The following TMIE variants were observed in gnomAD, a reference collection of about 807,000 sequenced individuals.
The protein encoded by TMIE is transmembrane inner ear expressed protein.
In TMIE, 14 loss-of-function variants were observed where a neutral mutation model predicts 16.8. The observed-to-expected ratio is 0.83, with a 90% CI of 0.55 to 1.30. The LOEUF (loss-of-function observed/expected upper bound fraction) is 1.30. Ranked by LOEUF, TMIE falls within the 50% of genes most tolerant of loss-of-function variation. The pLI, the probability that TMIE is intolerant of heterozygous loss-of-function variation, is 0.00. For synonymous variants in TMIE, 75 were observed against 87.2 expected, an observed-to-expected ratio of 0.86 and a Z score of 0.78; for missense variants, 204 against 205.9, an observed-to-expected ratio of 0.99 and a Z score of 0.06.
At position 46,705,836 on chromosome 3, in the gene TMIE, A is replaced by G. The variant is rs1203949194; in HGVS notation, c.140A>G (p.Glu47Gly). 1.2e-6 allele frequency: 2 copies of G among 1,613,984 alleles called. No individual in the cohort carries two copies. Among genetic ancestry groups the G allele is most frequent in the Non-Finnish European group, 1.7e-6 (2 of 1,180,040 alleles). The part of the protein sequence containing the change: ...PKPKPPPLTK[E>G]TVVFWDMRLW... ...CCCAAGCCGCCTCCGCTGACCAAGGAGACAGTGGTGTTCTGGGACATGCGC... is the reference window on the plus strand; with the variant it reads ...CCCAAGCCGCCTCCGCTGACCAAGGGGACAGTGGTGTTCTGGGACATGCGC... The change falls in exon 2 of 4, where the codon GAG becomes GGG. Residue 47 changes from glutamate to glycine, a missense_variant. By Grantham distance (98) the Glu-to-Gly change is moderately conservative. Transcript: ENST00000643606.
chr3:46,704,702 ACTAGACACCCAGGGTGGACCATGTCCC>A (rs1464639578), intron 1 of TMIE, among the ~76,000 whole-genome samples: 1 of 29,458 alleles, frequency 3.4e-5, no homozygotes, highest in Non-Finnish European at 7.0e-5. Flanking sequence ...AAGCACGTCC[ACTAGACACCCAGGGTGGACCATGTCCC>A]CTAGACACCC....
At chr3:46,701,263 A>T, upstream of TMIE, 1 of 323,562 alleles carries the variant, frequency 3.1e-6, no homozygotes, top group Non-Finnish European at 5.7e-6. This position sits in a 1 kb window ranked among gnomAD's most constrained non-coding sequence, Gnocchi z 4.3. Context: ...GGGGGCAGGG[A>T]GGGGGAGCCT....
chr3:46,699,917 A>C (rs1700449881), upstream of TMIE, among the ~76,000 whole-genome samples: 1 of 152,196 alleles, frequency 6.6e-6, no homozygotes. Context: ...TAAGAAACAG[A>C]AACAGAGGAG....
intron 1 of TMIE, among the ~76,000 whole-genome samples, chr3:46,703,071 C>T (rs1001772735): frequency 4.6e-5 from 7 of 152,260 alleles, no homozygotes; most frequent in Middle Eastern, 3.4e-3. Flanking sequence ...CATCTGCCTA[C>T]AGTCTGAGCA....
chr3:46,709,395 C>T lies in TMIE; in HGVS notation c.361+120C>T, dbSNP rs559279790. Reference sequence around the variant, plus strand: ...TTCAGGGAGGGGCCCCAGCCCTGCCCCTGGAGACCAGAGCACAGAAATTGG... The same window carrying T: ...TTCAGGGAGGGGCCCCAGCCCTGCCTCTGGAGACCAGAGCACAGAAATTGG... On this transcript the variant is annotated intron_variant, in intron 3 of 3. Transcript: ENST00000643606. The T allele has an allele frequency of 3.8e-6, 6 of 1,596,422 alleles. No homozygotes were observed. In the South Asian group the frequency reaches 5.6e-5, roughly 15 times the overall value.
intron 3 of TMIE, 127 bp downstream of exon 3, chr3:46,709,402 A>G: frequency 6.3e-7 from 1 of 1,594,690 alleles, no homozygotes; most frequent in East Asian, 2.2e-5. Flanking sequence ...GCCCCTGGAG[A>G]CCAGAGCACA....
In TMIE at chr3:46,701,903, C is replaced by T. The variant is rs1700482494; in HGVS notation, c.93+323C>T. On this transcript the variant is annotated intron_variant, in intron 1 of 3. Transcript: ENST00000643606. The surrounding 1 kb of genome is among the most constrained non-coding windows in gnomAD (Gnocchi z 4.3). ...GCCCTGCCCAGACTGATGGGGGATA[C>T]TGGGCCCCCATCCTCCAGCCTTTGG... 6.6e-6 allele frequency among the ~76,000 whole-genome samples: 1 copy of T among 152,092 alleles called. No individual in the cohort carries two copies. Among genetic ancestry groups the T allele is most frequent in the Non-Finnish European group, 1.5e-5 (1 of 67,996 alleles).
intron 2 of TMIE, 116 bp from the exon 3 acceptor site, chr3:46,709,010 G>A: frequency 7.4e-7 from 1 of 1,359,992 alleles, no homozygotes; most frequent in Admixed American, 1.8e-5. Context: ...CTCCTGCCAG[G>A]GTCTGGTGGG....
At chr3:46,703,496 C>T (rs771816152) in intron 1 of TMIE, among the ~76,000 whole-genome samples, 3 of 152,186 alleles carry the variant, frequency 2.0e-5, no homozygotes, top group Non-Finnish European at 4.4e-5. Flanking sequence ...CCTAATGGCA[C>T]AGACATGTCC....
intron 1 of TMIE, among the ~76,000 whole-genome samples, chr3:46,703,024 GTTC>G (rs1700497316): frequency 6.6e-6 from 1 of 152,194 alleles, no homozygotes; most frequent in South Asian, 2.1e-4. Context: ...TCTTTTCCCA[GTTC>G]TAGGGAAATT....
intron 1 of TMIE, among the ~76,000 whole-genome samples, chr3:46,704,576 C>G (rs1700523977): frequency 6.8e-6 from 1 of 146,880 alleles, no homozygotes; most frequent in Non-Finnish European, 1.5e-5. Flanking sequence ...CCTAGACGCC[C>G]AGGGCAGGAT....
chr3:46,708,492 C>T (rs1337961224), intron 2 of TMIE, among the ~76,000 whole-genome samples: 3 of 152,240 alleles, frequency 2.0e-5, no homozygotes, highest in African/African-American at 7.2e-5. Context: ...CCTAGACAGG[C>T]CAGCTCCATG....
intron 2 of TMIE, among the ~76,000 whole-genome samples, chr3:46,707,732 G>A (rs953375480): frequency 6.6e-6 from 1 of 152,226 alleles, no homozygotes; most frequent in Admixed American, 6.5e-5. Flanking sequence ...GGTGGTGTTT[G>A]AGCCCGGCTC....
upstream of TMIE, among the ~76,000 whole-genome samples, chr3:46,697,873 T>C (rs181945302): frequency 1.3e-5 from 2 of 152,092 alleles, no homozygotes; most frequent in African/African-American, 2.4e-5. Context: ...GTGTGGATGA[T>C]TGTTGTTGTG....
rs976667212 is a variant in TMIE, at chr3:46,709,856, A to G, written c.*168A>G. 2 of 1,388,676 alleles carry G rather than the reference A, an allele frequency of 1.4e-6. No individual in the cohort carries two copies. The highest frequency in any genetic ancestry group is 9.8e-7 in the Non-Finnish European group (1 of 1,016,616). 86.0% of individuals were successfully genotyped at this position (1,388,676 alleles called of 1,614,324 possible). On this transcript the variant is annotated 3_prime_UTR_variant, in exon 4 of 4. Transcript: ENST00000643606. ...GGCCCATCAGGGGCAGGAACCAGACAATCTCGTAGGTGTCCTGCCCCCCAG... is the reference window on the plus strand; with the variant it reads ...GGCCCATCAGGGGCAGGAACCAGACGATCTCGTAGGTGTCCTGCCCCCCAG...
chr3:46,697,919 A>C (rs1433835526), upstream of TMIE, among the ~76,000 whole-genome samples: 1 of 152,102 alleles, frequency 6.6e-6, no homozygotes, highest in Non-Finnish European at 1.5e-5. Context: ...ATAGTTTGAG[A>C]GAGTTTTCAA....
chr3:46,706,441 G>A (rs1315644982), intron 2 of TMIE, among the ~76,000 whole-genome samples: 2 of 152,214 alleles, frequency 1.3e-5, no homozygotes, highest in East Asian at 1.9e-4. Context: ...ATGCAAAGTC[G>A]CAGCAGAAAT....
At position 46,709,632 on chromosome 3, in the gene TMIE, A is replaced by G; in HGVS notation, c.415A>G (p.Ile139Val). 6.2e-7 allele frequency: 1 copy of G among 1,613,916 alleles called. No homozygotes were observed. Among genetic ancestry groups the G allele is most frequent in the Non-Finnish European group, 8.5e-7 (1 of 1,179,886 alleles). ...KKKDSVDTVAIKVEEDEKNEA... is the reference protein window; with the variant it reads ...KKKDSVDTVAVKVEEDEKNEA... ...GAAGGACAGTGTGGACACAGTGGCC[A>G]TCAAAGTAGAGGAGGATGAGAAGAA... The change falls in exon 4 of 4, where the codon ATC (isoleucine) becomes GTC (valine). Residue 139 changes from isoleucine to valine, a missense_variant. Coordinates refer to ENST00000643606, the MANE Select transcript of TMIE (RefSeq NM_147196.3).
Position 46,709,867 on chromosome 3 carries a change from T to C in TMIE, c.*179T>C. On this transcript the variant is annotated 3_prime_UTR_variant, in exon 4 of 4. Transcript: ENST00000643606. ...GGCAGGAACCAGACAATCTCGTAGG[T>C]GTCCTGCCCCCCAGCCTAGGCTTGG... 2.3e-6 allele frequency: 3 copies of C among 1,303,088 alleles called. No homozygotes were observed. The highest frequency in any genetic ancestry group is 3.2e-6 in the Non-Finnish European group (3 of 948,020). 80.7% of individuals were successfully genotyped at this position (1,303,088 alleles called of 1,614,324 possible). A position where few individuals can be genotyped will look rare whatever the true frequency, so the allele number is the denominator to read the frequency against.
Sources: gnomAD v4.1 joint callset for allele counts (sites outside exome capture counted in the v4.1 genomes callset) on GRCh38, gnomAD v4.1.1 for gene constraint, Gnocchi (gnomAD v3.1) non-coding constraint, MANE v1.5 for transcripts, NCBI Gene and HGNC (gene_info 2026-07-23, HGNC 2026-07-21) for gene names.